Variants in PPWD1 observed in about 807,000 individuals in gnomAD.
PPWD1 encodes peptidylprolyl isomerase domain and WD repeat-containing protein 1.
Under a neutral mutation model 68.8 loss-of-function variants are expected in PPWD1, and 43 were observed. That is an observed-to-expected ratio of 0.62 (90% CI 0.49 to 0.81). The LOEUF is 0.81. Among genes scored for constraint, PPWD1 ranks in the 30% least tolerant of loss-of-function variants. PPWD1 has a pLI of 0.00. For missense variants in PPWD1, 672 were observed against 804.8 expected, an observed-to-expected ratio of 0.83 and a Z score of 2.00; for synonymous variants, 232 against 258.7, an observed-to-expected ratio of 0.90 and a Z score of 0.99.
rs1205233431 is a variant in PPWD1, at chr5:65,563,409, A to G, written c.99A>G (p.Ala33=). ...CAGAACTCAGCGAAAGAGAGCTGGC[A>G]GTAGCAGTGGCGGTGTCCCAGGAGA... ...EKTELSEREL[A]VAVAVSQEND... is the part of the protein sequence containing the mutation. The change falls in exon 1 of 11, where the codon GCA becomes GCG. Residue 33 remains alanine, a synonymous_variant. Coordinates refer to ENST00000261308, the MANE Select transcript of PPWD1 (RefSeq NM_015342.4). 6.2e-7 allele frequency: 1 copy of G among 1,614,212 alleles called. No homozygotes were observed. Among genetic ancestry groups the G allele is most frequent in the East Asian group, 2.2e-5 (1 of 44,878 alleles).
At position 65,576,933 on chromosome 5, in the gene PPWD1, C is replaced by T. The variant is rs755653225; in HGVS notation, c.1024C>T (p.Arg342Ter). ...RQQLPDMEFG[R>*]RMAVERELEK... Reference sequence around the variant, plus strand: ...ACAGTTACCAGACATGGAATTTGGCCGACGAATGGCTGTAGAACGTGAGTT... The same window carrying T: ...ACAGTTACCAGACATGGAATTTGGCTGACGAATGGCTGTAGAACGTGAGTT... The change falls in exon 6 of 11, where the codon CGA becomes TGA. Residue 342 changes from arginine (R) to a stop codon, truncating the protein, a stop_gained. Coordinates refer to ENST00000261308, the MANE Select transcript of PPWD1 (RefSeq NM_015342.4). LOFTEE classifies it high-confidence loss of function. 3.7e-6 allele frequency: 6 copies of T among 1,613,986 alleles called. No homozygotes were observed. The highest frequency in any genetic ancestry group is 1.1e-5 in the South Asian group (1 of 91,070).
At chr5:65,587,143 A>G (rs1753883430) in intron 10 of PPWD1, 110 bp from the exon 11 acceptor site, 1 of 1,153,596 alleles carries the variant, frequency 8.7e-7, no homozygotes, top group Admixed American at 2.9e-5. Context: ...CTTTTTAAAT[A>G]TATGCTAAAG....
At position 65,587,352 on chromosome 5, in the gene PPWD1, A is replaced by C; in HGVS notation, c.1897A>C (p.Lys633Gln). The C allele has an allele frequency of 6.2e-7, 1 of 1,612,638 alleles. No homozygotes were observed. The highest frequency in any genetic ancestry group is 2.2e-5 in the East Asian group (1 of 44,808). The stretch of plus-strand genomic sequence containing the variant: ...CGTCAAAGTCAATCCCAAAACAGAT[A>C]AGCCCTATGAGGATGTCAGCATCAT... ...SNVKVNPKTDKPYEDVSIINI... is the reference protein window; with the variant it reads ...SNVKVNPKTDQPYEDVSIINI... The change falls in exon 11 of 11, where the codon AAG (lysine) becomes CAG (glutamine). Residue 633 changes from lysine (K) to glutamine (Q), a missense_variant. By Grantham distance (53) the Lys-to-Gln change is moderately conservative. Transcript: ENST00000261308.
At chr5:65,567,345 G>A (rs1252262452) in intron 1 of PPWD1, 168 bp from the exon 2 acceptor site, 6 of 740,082 alleles carry the variant, frequency 8.1e-6, no homozygotes, top group Non-Finnish European at 9.9e-6. Flanking sequence ...AATAATAGAC[G>A]TTAAAACTGA....
In PPWD1 at chr5:65,572,292, T is replaced by G. The variant is rs1434834068; in HGVS notation, c.969+6T>G. ...TCTTTGATGAATCACTAAGCGTAAG[T>G]GTAATTTAAATTTAACCGTACTTTA... On this transcript the variant is annotated splice_donor_region_variant and intron_variant, in intron 5 of 10. Coordinates refer to ENST00000261308, the MANE Select transcript of PPWD1 (RefSeq NM_015342.4). The G allele has an allele frequency of 6.3e-7, 1 of 1,585,552 alleles. No homozygotes were observed. Among genetic ancestry groups the G allele is most frequent in the Admixed American group, 1.8e-5 (1 of 54,342 alleles).
chr5:65,586,550 C>T (rs903852530), intron 10 of PPWD1, among the ~76,000 whole-genome samples: 2 of 152,048 alleles, frequency 1.3e-5, no homozygotes, highest in Admixed American at 1.3e-4. Flanking sequence ...ACAATTTCCC[C>T]CACATTTTAG....
Position 65,563,501 on chromosome 5 carries a change from G to A in PPWD1, c.191G>A (p.Arg64Lys). ...GTGGAGGCAACACTGGCCAAGAAGAGGAAAGGTAGCTGCAGACATAGTACC... is the reference window on the plus strand; with the variant it reads ...GTGGAGGCAACACTGGCCAAGAAGAAGAAAGGTAGCTGCAGACATAGTACC... ...LPVEATLAKK[R>K]KVLEFERVYL... The change falls in exon 1 of 11, where the codon AGG becomes AAG. Residue 64 changes from arginine to lysine, a missense_variant. By Grantham distance (26) the Arg-to-Lys change is conservative (BLOSUM62 2). Coordinates refer to ENST00000261308, the MANE Select transcript of PPWD1 (RefSeq NM_015342.4). 6.2e-7 allele frequency: 1 copy of A among 1,611,604 alleles called. No individual in the cohort carries two copies. The highest frequency in any genetic ancestry group is 8.5e-7 in the Non-Finnish European group (1 of 1,179,072).
chr5:65,582,901 A>T, intron 7 of PPWD1, 137 bp from the exon 8 acceptor site: 1 of 1,174,192 alleles, frequency 8.5e-7, no homozygotes, highest in Non-Finnish European at 1.1e-6. Context: ...CCTGTATGGG[A>T]AGTGATTCCT....
intron 5 of PPWD1, among the ~76,000 whole-genome samples, chr5:65,575,464 A>T (rs1753238779): frequency 6.6e-6 from 1 of 152,154 alleles, no homozygotes; most frequent in South Asian, 2.1e-4. Context: ...CACATACCTC[A>T]TTTTGATTTT....
intron 10 of PPWD1, among the ~76,000 whole-genome samples, chr5:65,586,466 T>A (rs936361996): frequency 1.8e-4 from 28 of 152,154 alleles, no homozygotes; most frequent in Non-Finnish European, 3.2e-4. Flanking sequence ...TAAAATAAAT[T>A]ATTTCACTTC....
intron 8 of PPWD1, among the ~76,000 whole-genome samples, chr5:65,583,827 C>T (rs758581698): frequency 1.1e-4 from 16 of 152,030 alleles, no homozygotes; most frequent in African/African-American, 1.7e-4. Flanking sequence ...TGGCACGCAC[C>T]TGTATTCCTG....
At chr5:65,573,477 T>TATATATATATATATATATA (rs1561725705) in intron 5 of PPWD1, among the ~76,000 whole-genome samples, 6 of 20,158 alleles carry the variant, frequency 3.0e-4, no homozygotes, top group African/African-American at 1.1e-3. Context: ...ATATATATAT[T>TATATATATATATATATATA]TTTTTTTTAT....
intron 1 of PPWD1, among the ~76,000 whole-genome samples, chr5:65,566,631 CT>C (rs34299614): frequency 6.6e-6 from 1 of 152,040 alleles, no homozygotes. Flanking sequence ...AATTTAGCAA[CT>C]TTTTTTAGGC....
At chr5:65,573,180 C>T (rs949565368) in intron 5 of PPWD1, among the ~76,000 whole-genome samples, 2 of 91,038 alleles carry the variant, frequency 2.2e-5, no homozygotes, top group African/African-American at 8.1e-5. Flanking sequence ...GAGGCCCTCC[C>T]TCCTCATATT....
At chr5:65,563,558 A>C (rs747461501) in intron 1 of PPWD1, 52 bp downstream of exon 1, 4 of 1,550,426 alleles carry the variant, frequency 2.6e-6, no homozygotes, top group Admixed American at 2.0e-5. Context: ...TCCGCTGAGT[A>C]GGAGGGTTCA....
chr5:65,582,820 A>G (rs1682431812), intron 7 of PPWD1: 1 of 418,294 alleles, frequency 2.4e-6, no homozygotes, highest in Admixed American at 4.6e-5. Flanking sequence ...TTTGAAATCA[A>G]TGTGTTCAGT....
intron 10 of PPWD1, 38 bp downstream of exon 10, chr5:65,586,219 T>C (rs747225930): frequency 1.9e-6 from 3 of 1,577,228 alleles, no homozygotes; most frequent in Non-Finnish European, 2.6e-6. Flanking sequence ...TACAGATTGA[T>C]AGGTTATGAT....
At chr5:65,586,320 C>G (rs1462946823) in intron 10 of PPWD1, 139 bp downstream of exon 10, 1 of 888,296 alleles carries the variant, frequency 1.1e-6, no homozygotes, top group African/African-American at 1.7e-5. Context: ...TGAAAATGAT[C>G]AAGAATATAA....
At chr5:65,576,373 A>ATTTTTTTTT in intron 5 of PPWD1, 1 of 849,270 alleles carries the variant, frequency 1.2e-6, no homozygotes, top group Non-Finnish European at 1.4e-6. Flanking sequence ...TTGAAATACA[A>ATTTTTTTTT]TTTTTTTTTT....
Sources: allele counts gnomAD v4.1 joint callset (sites outside exome capture counted in the v4.1 genomes callset), GRCh38; gene constraint gnomAD v4.1.1; transcripts MANE v1.5; gene names NCBI Gene and HGNC (gene_info 2026-07-23, HGNC 2026-07-21).